CHRM3: variants seen among roughly 807,000 people sequenced by gnomAD.
CHRM3 encodes the protein cholinergic receptor muscarinic 3.
A neutral mutation model predicts 41.8 loss-of-function variants in CHRM3; 11 were observed. The observed-to-expected ratio is 0.26, with a 90% CI of 0.17 to 0.44. The LOEUF (loss-of-function observed/expected upper bound fraction) is 0.44, where lower values mean the gene tolerates loss of function less well. Ranked by LOEUF, CHRM3 falls within the 20% of genes least tolerant of loss-of-function variation. CHRM3 has a pLI of 1.00. For missense variants in CHRM3, 571 were observed against 745.4 expected (o/e 0.77, Z 2.72); for synonymous variants, 297 against 301.4 (o/e 0.99, Z 0.15).
In CHRM3 at chr1:239,404,414, GAAAGAAAGAAAGAAAGAA is replaced by G. The variant is rs1660351154; in HGVS notation, c.-521+17189_-521+17206del. ...AAAGAAAGAAAGAAAGAAAGAAAAA[GAAAGAAAGAAAGAAAGAA>G]AGAAAGAAAGAAAGAAAGAAAGAAA... On this transcript the variant is annotated intron_variant, in intron 1 of 6. Transcript: ENST00000676153. Among the ~76,000 whole-genome samples, 14 of 51,226 alleles carry G rather than the reference GAAAGAAAGAAAGAAAGAA, an allele frequency of 2.7e-4. No individual in the cohort carries two copies. In the East Asian group the frequency reaches 4.2e-3, roughly 15 times the overall value. 33.6% of individuals were successfully genotyped at this position (51,226 alleles called of 152,430 possible). A position where few individuals can be genotyped will look rare whatever the true frequency, so the allele number is the denominator to read the frequency against.
In CHRM3 at chr1:239,910,903, G is replaced by C. The variant is rs1372163329; in HGVS notation, c.*1679G>C. The C allele has an allele frequency of 6.0e-6, 1 of 167,022 alleles. No individual in the cohort carries two copies. Among genetic ancestry groups the C allele is most frequent in the Non-Finnish European group, 1.5e-5 (1 of 68,104 alleles). 10.3% of individuals were successfully genotyped at this position (167,022 alleles called of 1,614,324 possible). A position where few individuals can be genotyped will look rare whatever the true frequency, so the allele number is the denominator to read the frequency against. On this transcript the variant is annotated 3_prime_UTR_variant, in exon 7 of 7. Coordinates refer to ENST00000676153, the MANE Select transcript of CHRM3 (RefSeq NM_001375978.1). ...TAGAAGTGTACTCAGTGGTGTCTGT[G>C]TATCTGAACTATTTAATTTCGTGTT...
intron 1 of CHRM3, among the ~76,000 whole-genome samples, chr1:239,408,581 C>A (rs1394665673): frequency 6.6e-6 from 1 of 150,544 alleles, no homozygotes; most frequent in Non-Finnish European, 1.5e-5. Flanking sequence ...TTGGGTATGT[C>A]CTTATAGCAG....
intron 1 of CHRM3, among the ~76,000 whole-genome samples, chr1:239,484,486 A>G (rs753218586): frequency 1.3e-5 from 2 of 152,156 alleles, no homozygotes; most frequent in Non-Finnish European, 2.9e-5. Context: ...AGGGAAAAAT[A>G]TCCAAACCAC....
intron 5 of CHRM3, among the ~76,000 whole-genome samples, chr1:239,782,855 T>C (rs1277232083): frequency 6.6e-6 from 1 of 152,170 alleles, no homozygotes; most frequent in African/African-American, 2.4e-5. Context: ...CTTTTTGCGA[T>C]TTCTTCTTTG....
chr1:239,618,477 C>T (rs1193775746), intron 3 of CHRM3, among the ~76,000 whole-genome samples: 2 of 150,592 alleles, frequency 1.3e-5, no homozygotes, highest in East Asian at 4.0e-4. Flanking sequence ...AGTATATGCC[C>T]ATTTAAAACA....
At chr1:239,668,993 C>T (rs1291211807) in intron 4 of CHRM3, among the ~76,000 whole-genome samples, 1 of 152,158 alleles carries the variant, frequency 6.6e-6, no homozygotes, top group Admixed American at 6.6e-5. Flanking sequence ...TATCTTCTTT[C>T]TGCGTCCTTA....
In CHRM3 at chr1:239,786,042, CAAGTT is replaced by C; in HGVS notation, c.-146-41208_-146-41204del. Among the ~76,000 whole-genome samples the C allele has an allele frequency of 2.0e-5, 3 of 152,234 alleles. No homozygotes were observed. The South Asian group carries it at 6.2e-4, about 32-fold the overall frequency. Reference sequence around the variant, plus strand: ...GTCTAATATTTTAAACATATTATCTCAAGTTATTTGTTTGAGTATAGTATACTTTG... The same window carrying C: ...GTCTAATATTTTAAACATATTATCTCATTTGTTTGAGTATAGTATACTTTG... On this transcript the variant is annotated intron_variant, in intron 5 of 6. Coordinates refer to ENST00000676153, the MANE Select transcript of CHRM3 (RefSeq NM_001375978.1).
intron 5 of CHRM3, 126 bp downstream of exon 5, chr1:239,678,414 CTG>C (rs1445309661): frequency 6.6e-6 from 1 of 152,174 alleles, no homozygotes; most frequent in Non-Finnish European, 1.5e-5. Flanking sequence ...TCAGCGATGA[CTG>C]TCTTTTCTAC....
intron 3 of CHRM3, among the ~76,000 whole-genome samples, chr1:239,610,190 C>CAAA (rs35512941): frequency 1.2e-4 from 9 of 77,890 alleles, no homozygotes; most frequent in East Asian, 4.4e-4. Context: ...AAGACTCTGT[C>CAAA]AAAAAAAAAA....
At chr1:239,465,244 T>C (rs1251083890) in intron 1 of CHRM3, among the ~76,000 whole-genome samples, 1 of 152,156 alleles carries the variant, frequency 6.6e-6, no homozygotes, top group African/African-American at 2.4e-5. Flanking sequence ...CTCTGTGCTC[T>C]CTGGGGGTAA....
chr1:239,877,349 A>G (rs937547645), intron 6 of CHRM3, among the ~76,000 whole-genome samples: 2 of 152,120 alleles, frequency 1.3e-5, no homozygotes, highest in African/African-American at 4.8e-5. Context: ...AGGGAGGCTG[A>G]GGCAGGTGGA....
chr1:239,865,115 C>T (rs1362407110), intron 6 of CHRM3, among the ~76,000 whole-genome samples: 6 of 152,178 alleles, frequency 3.9e-5, no homozygotes, highest in Non-Finnish European at 8.8e-5. Flanking sequence ...AGTCCATTCA[C>T]ACCACGGCAT....
chr1:239,688,451 AATATATTATATT>A (rs1226154429), intron 5 of CHRM3, among the ~76,000 whole-genome samples: 1 of 142,860 alleles, frequency 7.0e-6, no homozygotes, highest in African/African-American at 2.5e-5. Flanking sequence ...CATATTTATA[AATATATTATATT>A]ATATATTATA....
intron 1 of CHRM3, among the ~76,000 whole-genome samples, chr1:239,429,933 G>A (rs529011105): frequency 4.0e-5 from 6 of 149,208 alleles, no homozygotes; most frequent in African/African-American, 1.5e-4. Flanking sequence ...CCCAAAGTGT[G>A]TAAAAACCAT....
intron 4 of CHRM3, among the ~76,000 whole-genome samples, chr1:239,639,514 T>G (rs1201413582): frequency 6.6e-6 from 1 of 152,174 alleles, no homozygotes; most frequent in Non-Finnish European, 1.5e-5. Context: ...TATTTTATTG[T>G]CTTTGAATCA....
intron 3 of CHRM3, among the ~76,000 whole-genome samples, chr1:239,597,633 C>T (rs926644024): frequency 6.6e-6 from 1 of 151,890 alleles, no homozygotes; most frequent in Admixed American, 6.6e-5. Flanking sequence ...TTCCCTTTTA[C>T]CTCACTTTAA....
intron 3 of CHRM3, among the ~76,000 whole-genome samples, chr1:239,548,975 C>T (rs368763339): frequency 2.6e-5 from 4 of 152,128 alleles, no homozygotes; most frequent in East Asian, 1.9e-4. Context: ...AATGAACTTA[C>T]GGTTCTATGT....
intron 3 of CHRM3, among the ~76,000 whole-genome samples, chr1:239,617,816 T>C (rs1667794001): frequency 6.6e-6 from 1 of 152,132 alleles, no homozygotes; most frequent in African/African-American, 2.4e-5. Flanking sequence ...CAACATTCAT[T>C]TCTGTCGCCT....
At chr1:239,762,403 C>A (rs1666870928) in intron 5 of CHRM3, among the ~76,000 whole-genome samples, 1 of 152,124 alleles carries the variant, frequency 6.6e-6, no homozygotes, top group Non-Finnish European at 1.5e-5. Flanking sequence ...ATGACACATA[C>A]TTTTTGAAAT....
Sources: gnomAD v4.1 joint callset for allele counts (sites outside exome capture counted in the v4.1 genomes callset) on GRCh38, gnomAD v4.1.1 for gene constraint, MANE v1.5 for transcripts, NCBI Gene and HGNC (gene_info 2026-07-23, HGNC 2026-07-21) for gene names.